The following DRICH1 variants were observed in gnomAD, a reference collection of about 807,000 sequenced individuals.
DRICH1 encodes aspartate rich 1, also known as aspartate-rich protein 1.
In DRICH1, 38 loss-of-function variants were observed where a neutral mutation model predicts 39.5. The observed-to-expected ratio is 0.96, with a 90% CI of 0.74 to 1.26. The LOEUF (loss-of-function observed/expected upper bound fraction) is 1.26, where lower values mean the gene tolerates loss of function less well. Among genes scored for constraint, DRICH1 ranks in the 50% most tolerant of loss-of-function variants. DRICH1 has a pLI of 0.00. For missense variants in DRICH1, 279 were observed against 270.4 expected, an observed-to-expected ratio of 1.03 and a Z score of -0.22; for synonymous variants, 84 against 99.5, an observed-to-expected ratio of 0.84 and a Z score of 0.93.
the DRICH1 span, among the ~76,000 whole-genome samples, chr22:23,597,601 A>G: frequency 6.6e-6 from 1 of 151,482 alleles, no homozygotes. Flanking sequence ...TAAGCTGGGG[A>G]TGAGATGGGA....
chr22:23,584,227 T>C, the DRICH1 span, among the ~76,000 whole-genome samples: 1 of 152,330 alleles, frequency 6.6e-6, no homozygotes, highest in East Asian at 1.9e-4. Context: ...CCTGCTGTCC[T>C]GCTCAGTGCC....
At position 23,617,633 on chromosome 22, in the gene DRICH1, A is replaced by G. The variant is rs756959406; in HGVS notation, c.461T>C (p.Leu154Ser). 1 of 1,614,082 alleles carries G rather than the reference A, an allele frequency of 6.2e-7. No homozygotes were observed. The highest frequency in any genetic ancestry group is 1.3e-5 in the African/African-American group (1 of 74,940). ...ATCTTCACTTCGTGGTAGGCATACTAAACTCAGGTTGTCCTCAGAAGAACC... is the reference window on the plus strand; with the variant it reads ...ATCTTCACTTCGTGGTAGGCATACTGAACTCAGGTTGTCCTCAGAAGAACC... ...SSCSSEDNLS[L>S]VCLPRSEDDD... The change falls in exon 7 of 12, where the codon TTA (leucine) becomes TCA (serine). Residue 154 changes from leucine to serine, a missense_variant. Physicochemically the swap from Leu to Ser is moderately radical, Grantham distance 145. Coordinates refer to ENST00000317749, the MANE Select transcript of DRICH1 (RefSeq NM_016449.4).
chr22:23,591,065 G>A, the DRICH1 span, among the ~76,000 whole-genome samples: 5 of 152,186 alleles, frequency 3.3e-5, no homozygotes, highest in African/African-American at 2.4e-5. Flanking sequence ...TTCTCTAGCC[G>A]TTCTCACTCA....
intron 6 of DRICH1, among the ~76,000 whole-genome samples, chr22:23,618,674 T>A (rs1927524886): frequency 6.6e-6 from 1 of 152,054 alleles, no homozygotes; most frequent in African/African-American, 2.4e-5. Flanking sequence ...CTGAGAGAGG[T>A]GACTCTGAAC....
At chr22:23,631,674 C>A in intron 1 of DRICH1, 142 bp downstream of exon 1, 1 of 702,538 alleles carries the variant, frequency 1.4e-6, no homozygotes. Flanking sequence ...AGCCTTTGTC[C>A]CCCATGCCCA....
At chr22:23,590,487 A>C in the DRICH1 span, among the ~76,000 whole-genome samples, 1 of 152,070 alleles carries the variant, frequency 6.6e-6, no homozygotes, top group Non-Finnish European at 1.5e-5. Flanking sequence ...CTTGTTGCCC[A>C]GGCTGGTCTC....
At chr22:23,603,970 T>C (rs980993643), downstream of DRICH1, among the ~76,000 whole-genome samples, 1 of 152,168 alleles carries the variant, frequency 6.6e-6, no homozygotes, top group Non-Finnish European at 1.5e-5. Context: ...GATCCCAGTG[T>C]TAACTGTTCA....
chr22:23,613,329 G>A lies in DRICH1; in HGVS notation c.645C>T (p.Asp215=). ...CATCACTTAGACTCTCCAGCGTCAAGTCTTTAGAAACAAAAACACCAGAAT... is the reference window on the plus strand; with the variant it reads ...CATCACTTAGACTCTCCAGCGTCAAATCTTTAGAAACAAAAACACCAGAAT... The part of the protein sequence containing the change: ...DIHITARIES[D]LTLESLSDEE... The change falls in exon 11 of 12, where the codon GAC becomes GAT. Residue 215 remains aspartate (D), a splice_region_variant and synonymous_variant. Transcript: ENST00000317749. 6.2e-7 allele frequency: 1 copy of A among 1,612,694 alleles called. No homozygotes were observed. Among genetic ancestry groups the A allele is most frequent in the Non-Finnish European group, 8.5e-7 (1 of 1,178,774 alleles).
chr22:23,589,731 C>T, the DRICH1 span, among the ~76,000 whole-genome samples: 140 of 152,264 alleles, frequency 9.2e-4, no homozygotes, highest in Non-Finnish European at 1.6e-3. Context: ...GCAGCTGGTG[C>T]TGACTGTTTC....
At chr22:23,629,747 A>AG (rs1928281085) in intron 1 of DRICH1, among the ~76,000 whole-genome samples, 1 of 151,964 alleles carries the variant, frequency 6.6e-6, no homozygotes, top group Admixed American at 6.6e-5. Flanking sequence ...CCACCCAAGT[A>AG]CCTAGGACTA....
chr22:23,605,670 T>A (rs961380741), downstream of DRICH1, among the ~76,000 whole-genome samples: 4 of 152,070 alleles, frequency 2.6e-5, no homozygotes, highest in East Asian at 1.9e-4. Context: ...TCCTGCCCTA[T>A]CCAGAGGACT....
the DRICH1 span, among the ~76,000 whole-genome samples, chr22:23,597,364 G>A: frequency 6.8e-6 from 1 of 146,804 alleles, no homozygotes; most frequent in Non-Finnish European, 1.5e-5. Flanking sequence ...AAAATTAGCC[G>A]GTCACCTATA....
downstream of DRICH1, chr22:23,608,416 T>C (rs1404671328): frequency 6.3e-6 from 2 of 317,710 alleles, no homozygotes; most frequent in East Asian, 5.1e-5. Context: ...GAGCCCCTCA[T>C]TGGGTCAGAC....
intron 1 of DRICH1, 74 bp downstream of exon 1, chr22:23,631,742 G>T (rs947803438): frequency 5.8e-6 from 7 of 1,209,372 alleles, no homozygotes; most frequent in Non-Finnish European, 8.4e-6. Context: ...TGTCTCTGGG[G>T]ATGAGGGTAA....
At position 23,625,862 on chromosome 22, in the gene DRICH1, A is replaced by T. The variant is rs555857827; in HGVS notation, c.276+119T>A. On this transcript the variant is annotated intron_variant, in intron 2 of 11. Transcript: ENST00000317749. ...CAGATCTTGCAAGACCATCATTAAA[A>T]GTCTTACTTTTGCTGTTCTGCAGGC... The T allele has an allele frequency of 7.8e-5, 60 of 770,894 alleles. No individual in the cohort carries two copies. The African/African-American group carries it at 9.9e-4, about 13-fold the overall frequency. 47.8% of individuals were successfully genotyped at this position (770,894 alleles called of 1,614,324 possible). A position where few individuals can be genotyped will look rare whatever the true frequency, so the allele number is the denominator to read the frequency against.
At chr22:23,622,301 G>A in intron 3 of DRICH1, 125 bp from the exon 4 acceptor site, 1 of 858,378 alleles carries the variant, frequency 1.2e-6, no homozygotes, top group Non-Finnish European at 2.0e-6. Flanking sequence ...TTAATGCTGG[G>A]CTATTCCCCT....
chr22:23,592,818 C>T, the DRICH1 span, among the ~76,000 whole-genome samples: 1 of 145,138 alleles, frequency 6.9e-6, no homozygotes. Context: ...ATGGTGAAAC[C>T]CTGTCTCTAT....
chr22:23,624,446 TTTTC>T, intron 3 of DRICH1: 9 of 695,942 alleles, frequency 1.3e-5, no homozygotes, highest in Non-Finnish European at 1.4e-5. Flanking sequence ...TCTATTTACT[TTTTC>T]TTTTTCTGTT....
In DRICH1 at chr22:23,608,466, CTCTT is replaced by C; in HGVS notation, c.*294_*297del. 2.1e-6 allele frequency: 1 copy of C among 479,784 alleles called. No homozygotes were observed. Among genetic ancestry groups the C allele is most frequent in the Non-Finnish European group, 3.8e-6 (1 of 265,496 alleles). The allele number at this position is 479,784 out of a possible 1,614,324, so 29.7% of individuals were successfully genotyped here. ...CTGCACCTGAATAAATGCACTCAGT[CTCTT>C]TATTTCAAGTGGGAATGGCACTTTC... is the stretch of plus-strand genomic sequence containing the variant. On this transcript the variant is annotated 3_prime_UTR_variant, in exon 12 of 12. Transcript: ENST00000317749.
Sources: allele counts gnomAD v4.1 joint callset (sites outside exome capture counted in the v4.1 genomes callset), GRCh38; gene constraint gnomAD v4.1.1; transcripts MANE v1.5; gene names NCBI Gene and HGNC (gene_info 2026-07-23, HGNC 2026-07-21).